The following PTPN22 variants were observed in gnomAD, a reference collection of about 807,000 sequenced individuals.
The protein encoded by PTPN22 is tyrosine-protein phosphatase non-receptor type 22.
Under a neutral mutation model 103.3 loss-of-function variants are expected in PTPN22, and 85 were observed. The observed-to-expected ratio is 0.82, with a 90% CI of 0.69 to 0.99. PTPN22 has a LOEUF of 0.99. Ranked by LOEUF, PTPN22 falls within the 50% of genes least tolerant of loss-of-function variation. PTPN22 has a pLI of 0.00. For synonymous variants in PTPN22, 323 were observed against 310.2 expected, an observed-to-expected ratio of 1.04 and a Z score of -0.43; for missense variants, 865 against 936.9, an observed-to-expected ratio of 0.92 and a Z score of 1.00.
At position 113,857,859 on chromosome 1, in the gene PTPN22, G is replaced by A. The variant is rs1665211933; in HGVS notation, c.370-83C>T. ...AATACATGGATCCCAGACTCAGAAA[G>A]TATTAACCGTTCTTTTTTCTGTTTT... is the stretch of plus-strand genomic sequence containing the variant. On this transcript the variant is annotated intron_variant, in intron 4 of 20. Coordinates refer to ENST00000359785, the Ensembl canonical transcript of PTPN22. 9.8e-6 allele frequency: 12 copies of A among 1,227,366 alleles called. No individual in the cohort carries two copies. In the Middle Eastern group the frequency reaches 6.0e-4, roughly 61 times the overall value. 76.0% of individuals were successfully genotyped at this position (1,227,366 alleles called of 1,614,324 possible).
At chr1:113,845,179 GGTT>G (rs1317543261) in intron 11 of PTPN22, among the ~76,000 whole-genome samples, 9 of 151,014 alleles carry the variant, frequency 6.0e-5, no homozygotes, top group African/African-American at 2.2e-4. Context: ...GTATAATTTT[GGTT>G]GTTTTGTTTT....
chr1:113,866,139 TTA>T (rs1457444422), intron 1 of PTPN22, among the ~76,000 whole-genome samples: 1 of 152,174 alleles, frequency 6.6e-6, no homozygotes, highest in African/African-American at 2.4e-5. Flanking sequence ...GCAAATGAGT[TTA>T]TATATGAGTG....
At chr1:113,830,799 C>A (rs1662480282) in intron 16 of PTPN22, among the ~76,000 whole-genome samples, 1 of 152,124 alleles carries the variant, frequency 6.6e-6, no homozygotes. Flanking sequence ...CTGACATAAG[C>A]ATTTAATTAT....
At chr1:113,859,528 C>A in intron 1 of PTPN22, 68 bp from the exon 2 acceptor site, 1 of 1,283,566 alleles carries the variant, frequency 7.8e-7, no homozygotes, top group Non-Finnish European at 1.1e-6. Flanking sequence ...CTCTAAAGAG[C>A]TTTCCTTTTC....
rs989511216 is a variant in PTPN22, at chr1:113,858,385, T to C, written c.369+93A>G. 33 of 813,792 alleles carry C rather than the reference T, an allele frequency of 4.1e-5. No homozygotes were observed. The Admixed American group carries it at 7.5e-4, about 18-fold the overall frequency. The allele number at this position is 813,792 out of a possible 1,614,324, so 50.4% of individuals were successfully genotyped here. A position where few individuals can be genotyped will look rare whatever the true frequency, so the allele number is the denominator to read the frequency against. On this transcript the variant is annotated intron_variant, in intron 4 of 20. Coordinates refer to ENST00000359785, the Ensembl canonical transcript of PTPN22. The stretch of plus-strand genomic sequence containing the variant: ...TGGCATTGTGATTCTGACTAAAAGA[T>C]GCCTGAACCCTGAAGTTCCACTGAC...
intron 11 of PTPN22, among the ~76,000 whole-genome samples, chr1:113,841,136 A>G (rs1315946733): frequency 6.6e-6 from 1 of 152,158 alleles, no homozygotes; most frequent in African/African-American, 2.4e-5. Context: ...AGGCCGGAGA[A>G]TCACTTGAAC....
At chr1:113,818,652 T>C (rs1326546044) in intron 20 of PTPN22, among the ~76,000 whole-genome samples, 1 of 152,206 alleles carries the variant, frequency 6.6e-6, no homozygotes, top group African/African-American at 2.4e-5. Flanking sequence ...GAATTGTGTG[T>C]AGGCAATTTT....
rs745575960 is a variant in PTPN22 at position 113,835,595 on chromosome 1, ATAT to A, written c.1811-605_1811-603del. Among the ~76,000 whole-genome samples the A allele has an allele frequency of 2.6e-5, 4 of 152,326 alleles. No homozygotes were observed. In the East Asian group the frequency reaches 5.8e-4, roughly 22 times the overall value. On this transcript the variant is annotated intron_variant, in intron 13 of 20. Coordinates refer to ENST00000359785, the Ensembl canonical transcript of PTPN22. ...GTCACGGTGTATCAGTTAACATAAA[ATAT>A]TATATTAATTTTGGAAGCTTTGAAT... is the stretch of plus-strand genomic sequence containing the variant.
intron 17 of PTPN22, 38 bp from the exon 18 acceptor site, chr1:113,829,745 A>G (rs1434900585): frequency 7.2e-7 from 1 of 1,380,040 alleles, no homozygotes; most frequent in East Asian, 2.3e-5. Flanking sequence ...GTTCCATTGC[A>G]TACCTTCTTA....
chr1:113,857,738 C>G (rs762336511), exon 5 of PTPN22: 9 of 1,611,240 alleles, frequency 5.6e-6, no homozygotes, highest in Non-Finnish European at 6.8e-6. Flanking sequence ...AGTAACTTAC[C>G]TTTCCCATTT....
At chr1:113,824,080 A>AT (rs1661839704) in intron 19 of PTPN22, among the ~76,000 whole-genome samples, 1 of 150,160 alleles carries the variant, frequency 6.7e-6, no homozygotes, top group East Asian at 1.9e-4. Context: ...TGTATCAAAA[A>AT]TTTTTTTAAG....
chr1:113,831,340 A>C (rs960661526), intron 16 of PTPN22, among the ~76,000 whole-genome samples: 1 of 152,090 alleles, frequency 6.6e-6, no homozygotes, highest in African/African-American at 2.4e-5. Context: ...TTAGTTCCAG[A>C]ATACTTTTTA....
Position 113,838,179 on chromosome 1 carries a change from CT to C in PTPN22, c.1220del (p.Glu407GlyfsTer25). ...CCAAACTTTGATGCTTCTGAAGAGG[CT>C]CCCCAACTATTGGAAATGCCTTTGT... On this transcript the variant is annotated frameshift_variant, in exon 13 of 21. Transcript: ENST00000359785. LOFTEE classifies it high-confidence loss of function. 6.2e-7 allele frequency: 1 copy of C among 1,614,108 alleles called. No homozygotes were observed. Among genetic ancestry groups the C allele is most frequent in the Non-Finnish European group, 8.5e-7 (1 of 1,180,000 alleles).
exon 14 of PTPN22, chr1:113,834,966 A>G: frequency 1.3e-6 from 2 of 1,571,084 alleles, no homozygotes. Flanking sequence ...TGGAGGGGGG[A>G]TTTCATCATC....
intron 13 of PTPN22, 140 bp downstream of exon 13, chr1:113,837,450 A>G: frequency 4.1e-6 from 1 of 246,374 alleles, no homozygotes; most frequent in Non-Finnish European, 7.2e-6. Context: ...ACTCCATCTC[A>G]AAAAAAAAAA....
intron 17 of PTPN22, 27 bp from the exon 18 acceptor site, chr1:113,829,734 T>C: frequency 7.0e-7 from 1 of 1,424,190 alleles, no homozygotes. Flanking sequence ...GAGAAAAACA[T>C]GTTCCATTGC....
exon 7 of PTPN22, chr1:113,856,385 A>G (rs1429568290): frequency 6.4e-7 from 1 of 1,566,568 alleles, no homozygotes; most frequent in East Asian, 2.3e-5. Flanking sequence ...TACTTACACT[A>G]TTGAACTTAA....
intron 1 of PTPN22, among the ~76,000 whole-genome samples, chr1:113,865,281 AAC>A (rs1246139891): frequency 6.6e-6 from 1 of 152,232 alleles, no homozygotes; most frequent in Non-Finnish European, 1.5e-5. Context: ...GAATGAAATT[AAC>A]ATAATAAAGT....
chr1:113,853,254 G>T (rs1404790138), intron 9 of PTPN22, among the ~76,000 whole-genome samples: 1 of 151,816 alleles, frequency 6.6e-6, no homozygotes, highest in African/African-American at 2.4e-5. Context: ...GCTTGGTTTT[G>T]ATTAGAATTG....
Sources: allele counts gnomAD v4.1 joint callset (sites outside exome capture counted in the v4.1 genomes callset), GRCh38; gene constraint gnomAD v4.1.1; transcripts MANE v1.5; gene names NCBI Gene and HGNC (gene_info 2026-07-23, HGNC 2026-07-21).